BAZ2B: variants seen among roughly 807,000 people sequenced by gnomAD.
The protein encoded by BAZ2B is bromodomain adjacent to zinc finger domain protein 2B.
Under a neutral mutation model 246.0 loss-of-function variants are expected in BAZ2B, and 91 were observed. The observed-to-expected ratio is 0.37, with a 90% confidence interval of 0.31 to 0.44. The LOEUF (loss-of-function observed/expected upper bound fraction) is 0.44. Among genes scored for constraint, BAZ2B ranks in the 20% least tolerant of loss-of-function variants. BAZ2B has a pLI of 1.00. For missense variants in BAZ2B, 2,332 were observed against 2,533.7 expected, an observed-to-expected ratio of 0.92 and a Z score of 1.71; for synonymous variants, 855 against 860.0, an observed-to-expected ratio of 0.99 and a Z score of 0.10.
At chr2:159,606,401 G>A (rs1693505056) in intron 1 of BAZ2B, among the ~76,000 whole-genome samples, 1 of 152,132 alleles carries the variant, frequency 6.6e-6, no homozygotes, top group South Asian at 2.1e-4. Flanking sequence ...GTCATTTTGT[G>A]ACTTATACAC....
At chr2:159,332,205 G>A (rs2064897921) in intron 34 of BAZ2B, among the ~76,000 whole-genome samples, 1 of 152,026 alleles carries the variant, frequency 6.6e-6, no homozygotes, top group African/African-American at 2.4e-5. Flanking sequence ...AAAGTTGTTT[G>A]GAGCCAGGTG....
chr2:159,509,426 A>G (rs1477971962), intron 2 of BAZ2B, among the ~76,000 whole-genome samples: 1 of 152,176 alleles, frequency 6.6e-6, no homozygotes, highest in Non-Finnish European at 1.5e-5. Flanking sequence ...ATTATTTTTT[A>G]AAAGTTCACT....
At chr2:159,574,730 A>T (rs1015512728) in intron 1 of BAZ2B, among the ~76,000 whole-genome samples, 1 of 152,110 alleles carries the variant, frequency 6.6e-6, no homozygotes, top group Admixed American at 6.5e-5. Flanking sequence ...TCACGCCTGT[A>T]ATCCCGGCAC....
At chr2:159,581,995 C>T (rs1450638130) in intron 1 of BAZ2B, among the ~76,000 whole-genome samples, 1 of 151,982 alleles carries the variant, frequency 6.6e-6, no homozygotes, top group African/African-American at 2.4e-5. Flanking sequence ...GTGCAGCACA[C>T]TAACGTGGCA....
chr2:159,619,401 G>A (rs1303950204), upstream of BAZ2B, among the ~76,000 whole-genome samples: 1 of 151,556 alleles, frequency 6.6e-6, no homozygotes, highest in Non-Finnish European at 1.5e-5. Context: ...ATTATGAAGG[G>A]CTCGTTATAT....
In BAZ2B at chr2:159,349,955, A is replaced by G. The variant is rs372235492; in HGVS notation, c.4616T>C (p.Phe1539Ser). 3.1e-6 allele frequency: 5 copies of G among 1,614,082 alleles called. No individual in the cohort carries two copies. The highest frequency in any genetic ancestry group is 4.2e-6 in the Non-Finnish European group (5 of 1,180,024). ...FNTGSSGPGKFYSPLPNDQLL... is the reference protein window; with the variant it reads ...FNTGSSGPGKSYSPLPNDQLL... ...CTGGTCATTGGGGAGAGGACTGTAG[A>G]ACTTCCCTGGACCACTTGAACCAGT... The change falls in exon 28 of 37, where the codon TTC becomes TCC. Residue 1539 changes from phenylalanine to serine, a missense_variant. Physicochemically the swap from Phe to Ser is radical, Grantham distance 155. This residue lies in a region of BAZ2B where 676 missense variants were observed against 668.6 expected (regional missense o/e 1.01). Coordinates refer to ENST00000392783, the MANE Select transcript of BAZ2B (RefSeq NM_013450.4).
intron 10 of BAZ2B, among the ~76,000 whole-genome samples, chr2:159,430,084 C>T (rs902278636): frequency 2.6e-5 from 4 of 152,140 alleles, no homozygotes; most frequent in African/African-American, 9.7e-5. Flanking sequence ...ATAGAAAAGA[C>T]ACTGGCTATA....
At chr2:159,416,031 T>C (rs960395851) in intron 13 of BAZ2B, among the ~76,000 whole-genome samples, 12 of 152,148 alleles carry the variant, frequency 7.9e-5, no homozygotes, top group Admixed American at 6.5e-4. Flanking sequence ...CTAAAACCTG[T>C]GCTCCTGACC....
At chr2:159,402,091 A>T (rs1321071794) in intron 16 of BAZ2B, among the ~76,000 whole-genome samples, 1 of 152,188 alleles carries the variant, frequency 6.6e-6, no homozygotes, top group African/African-American at 2.4e-5. Flanking sequence ...GACTGATCAC[A>T]TTCTTTGATT....
At chr2:159,658,543 AG>A in the BAZ2B span, among the ~76,000 whole-genome samples, 5 of 152,096 alleles carry the variant, frequency 3.3e-5, no homozygotes, top group East Asian at 3.9e-4. Flanking sequence ...TTGGAGACAG[AG>A]TCTTGCTCTG....
At chr2:159,691,728 G>A in the BAZ2B span, among the ~76,000 whole-genome samples, 25 of 152,062 alleles carry the variant, frequency 1.6e-4, no homozygotes, top group Non-Finnish European at 2.5e-4. Context: ...CAAGGTTTAC[G>A]GTATTACACT....
At chr2:159,633,234 G>A in the BAZ2B span, among the ~76,000 whole-genome samples, 4 of 151,752 alleles carry the variant, frequency 2.6e-5, no homozygotes, top group East Asian at 3.9e-4. Context: ...CTGTTGAGGC[G>A]GAGCAAAACT....
intron 2 of BAZ2B, among the ~76,000 whole-genome samples, chr2:159,550,368 C>A (rs2088003710): frequency 6.6e-6 from 1 of 152,118 alleles, no homozygotes; most frequent in Non-Finnish European, 1.5e-5. Flanking sequence ...TATAGGGTTT[C>A]CACTCACAGT....
At chr2:159,383,583 A>T (rs1240286485) in intron 24 of BAZ2B, 23 bp downstream of exon 24, 9 of 1,580,022 alleles carry the variant, frequency 5.7e-6, no homozygotes, top group East Asian at 2.2e-5. Flanking sequence ...ACAGTACATT[A>T]ACTTTAATAA....
rs200892111 is a variant in BAZ2B, at chr2:159,605,598, T to TA, written c.-46+10643dup. On this transcript the variant is annotated intron_variant, in intron 1 of 36. Transcript: ENST00000392783. ...TACTACGTCACAGAACACTTCATTA[T>TA]AAAAAAAAAACAGCTGGGCCCAGTG... 1.5e-3 allele frequency among the ~76,000 whole-genome samples: 223 copies of TA among 148,160 alleles called. 1 individual carries two copies. The South Asian group carries it at 0.024, about 16-fold the overall frequency.
chr2:159,617,199 T>C (rs1696187836), upstream of BAZ2B: 1 of 152,206 alleles, frequency 6.6e-6, no homozygotes, highest in Non-Finnish European at 1.5e-5. Flanking sequence ...CTGAACACTT[T>C]TTAAAAATCA....
intron 23 of BAZ2B, among the ~76,000 whole-genome samples, chr2:159,383,928 T>G (rs1452531977): frequency 6.6e-6 from 1 of 152,064 alleles, no homozygotes; most frequent in Non-Finnish European, 1.5e-5. Flanking sequence ...GTTTCTATCT[T>G]AAACCAAGAA....
At chr2:159,443,505 T>G (rs1263724237) in intron 6 of BAZ2B, among the ~76,000 whole-genome samples, 2 of 152,134 alleles carry the variant, frequency 1.3e-5, no homozygotes, top group Non-Finnish European at 2.9e-5. Context: ...AAAAAAGTTT[T>G]GAAAACTGAA....
At chr2:159,678,292 C>T in the BAZ2B span, among the ~76,000 whole-genome samples, 2 of 152,130 alleles carry the variant, frequency 1.3e-5, no homozygotes, top group African/African-American at 4.8e-5. Context: ...TGATCAAGTT[C>T]CCTCAACCCA....
Sources: gnomAD v4.1 joint callset for allele counts (sites outside exome capture counted in the v4.1 genomes callset) on GRCh38, gnomAD v4.1.1 for gene constraint, gnomAD v4.1.1 regional missense constraint, MANE v1.5 for transcripts, NCBI Gene and HGNC (gene_info 2026-07-23, HGNC 2026-07-21) for gene names.